CNNM2: variants seen among roughly 807,000 people sequenced by gnomAD.
CNNM2 encodes the protein cyclin and CBS domain divalent metal cation transport mediator 2.
In CNNM2, 12 loss-of-function variants were observed where a neutral mutation model predicts 66.9. The observed-to-expected ratio is 0.18, with a 90% CI of 0.11 to 0.29. The LOEUF (loss-of-function observed/expected upper bound fraction) is 0.29, where lower values mean the gene tolerates loss of function less well. Ranked by LOEUF, CNNM2 falls within the 10% of genes least tolerant of loss-of-function variation. The probability of loss-of-function intolerance (pLI) is 1.00; values close to 1 mark genes in which losing one functional copy is unlikely to be tolerated. For synonymous variants in CNNM2, 557 were observed against 501.8 expected, an observed-to-expected ratio of 1.11 and a Z score of -1.47; for missense variants, 705 against 1,167.7, an observed-to-expected ratio of 0.60 and a Z score of 5.77.
rs1048846224 is a variant in CNNM2, at chr10:103,087,477, C to T, written c.*10297C>T. 1 of 152,026 alleles carries T rather than the reference C, an allele frequency of 6.6e-6. No individual in the cohort carries two copies. The highest frequency in any genetic ancestry group is 1.5e-5 in the Non-Finnish European group (1 of 68,008). 9.4% of individuals were successfully genotyped at this position (152,026 alleles called of 1,614,324 possible). On this transcript the variant is annotated 3_prime_UTR_variant, in exon 8 of 8. Transcript: ENST00000369878. ...TCTTTGGACCCAGAGAATCATTTGCCATGGAATCATCTGGCTAGTAAGACA... is the reference window on the plus strand; with the variant it reads ...TCTTTGGACCCAGAGAATCATTTGCTATGGAATCATCTGGCTAGTAAGACA...
In CNNM2 at chr10:103,079,812, A is replaced by C. The variant is rs144846781; in HGVS notation, c.*2632A>C. The stretch of plus-strand genomic sequence containing the variant: ...CAGGTCCCTGAAGGAATGAAGGCTA[A>C]CATCTCCTTTGGGGAGAGCTTAGGA... On this transcript the variant is annotated 3_prime_UTR_variant, in exon 8 of 8. Transcript: ENST00000369878. 1 of 152,286 alleles carries C rather than the reference A, an allele frequency of 6.6e-6. No homozygotes were observed. The highest frequency in any genetic ancestry group is 1.9e-4 in the East Asian group (1 of 5,188). The allele number at this position is 152,286 out of a possible 1,614,324, so 9.4% of individuals were successfully genotyped here.
In CNNM2 at chr10:103,084,037, C is replaced by T. The variant is rs61870851; in HGVS notation, c.*6857C>T. On this transcript the variant is annotated 3_prime_UTR_variant, in exon 8 of 8. Transcript: ENST00000369878. ...ACGTTCTTTTCCATCACTACTTTGT[C>T]TTCTGTTCCTTCTTACCCTCATCAC... is the stretch of plus-strand genomic sequence containing the variant. 2 of 152,196 alleles carry T rather than the reference C, an allele frequency of 1.3e-5. No individual in the cohort carries two copies. The highest frequency in any genetic ancestry group is 2.9e-5 in the Non-Finnish European group (2 of 68,044). The allele number at this position is 152,196 out of a possible 1,614,324, so 9.4% of individuals were successfully genotyped here.
chr10:103,056,467 G>A (rs1050683142), intron 3 of CNNM2, among the ~76,000 whole-genome samples: 2 of 152,194 alleles, frequency 1.3e-5, no homozygotes. Context: ...GGCTGTTATG[G>A]CTTGTTGAGG....
rs930137026 is a variant in CNNM2 at position 103,066,165 on chromosome 10, C to T, written c.2074-2464C>T. 4.9e-4 allele frequency among the ~76,000 whole-genome samples: 74 copies of T among 152,168 alleles called. 4 individuals are homozygous for T. The highest frequency in any genetic ancestry group is 2.9e-5 in the Non-Finnish European group (2 of 68,022). ...GACCCCTGCTCTTCTGCCATGGTGC[C>T]GTGGTCTGGGCCTCCCTTTTCAGGC... On this transcript the variant is annotated intron_variant, in intron 4 of 7. Coordinates refer to ENST00000369878, the MANE Select transcript of CNNM2 (RefSeq NM_017649.5).
At chr10:103,002,306 G>A (rs1216163754) in intron 1 of CNNM2, among the ~76,000 whole-genome samples, 1 of 152,104 alleles carries the variant, frequency 6.6e-6, no homozygotes. Flanking sequence ...AATGGGCAAA[G>A]GATCTTAATA....
At chr10:103,068,777 C>A in intron 5 of CNNM2, 55 bp downstream of exon 5, 1 of 1,355,964 alleles carries the variant, frequency 7.4e-7, no homozygotes, top group Non-Finnish European at 1.0e-6. Flanking sequence ...AAGTAAGGCC[C>A]CTCTCCTTTC....
At chr10:102,984,030 A>G (rs1204605500) in intron 1 of CNNM2, among the ~76,000 whole-genome samples, 1 of 152,196 alleles carries the variant, frequency 6.6e-6, no homozygotes, top group African/African-American at 2.4e-5. Context: ...TGCTGGGATT[A>G]CAGGTGTGAG....
intron 1 of CNNM2, among the ~76,000 whole-genome samples, chr10:103,002,835 A>G (rs375592198): frequency 2.6e-5 from 4 of 152,160 alleles, no homozygotes; most frequent in South Asian, 2.1e-4. Flanking sequence ...CTGCTCTGAA[A>G]TAGTTTGGCA....
intron 1 of CNNM2, among the ~76,000 whole-genome samples, chr10:102,943,313 A>G (rs1301513188): frequency 6.6e-6 from 1 of 152,178 alleles, no homozygotes; most frequent in Non-Finnish European, 1.5e-5. Flanking sequence ...CTGTAGTCCC[A>G]GCTCCTTGGG....
intron 1 of CNNM2, among the ~76,000 whole-genome samples, chr10:102,937,101 T>C (rs1846266729): frequency 6.6e-6 from 1 of 152,238 alleles, no homozygotes; most frequent in African/African-American, 2.4e-5. Context: ...GTAAGATTCA[T>C]TTTGTGTGAG....
intron 1 of CNNM2, among the ~76,000 whole-genome samples, chr10:102,956,288 C>CAAAAAA (rs371126297): frequency 1.4e-5 from 1 of 74,022 alleles, no homozygotes; most frequent in Admixed American, 1.6e-4. Flanking sequence ...GATTCCATCT[C>CAAAAAA]AAAAAAAAAA....
rs144956926 is a variant in CNNM2, at chr10:102,947,612, G to A, written c.1621+27511G>A. Among the ~76,000 whole-genome samples, 70 of 152,150 alleles carry A rather than the reference G, an allele frequency of 4.6e-4. 3 individuals are homozygous for A. In the East Asian group the frequency reaches 9.5e-3, roughly 21 times the overall value. ...CTAAAAATACAAAAATTAGCTGGGC[G>A]TAGTGGTGCACGCCTGTAATCCCAG... is the stretch of plus-strand genomic sequence containing the variant. On this transcript the variant is annotated intron_variant, in intron 1 of 7. Coordinates refer to ENST00000369878, the MANE Select transcript of CNNM2 (RefSeq NM_017649.5).
At position 103,082,864 on chromosome 10, in the gene CNNM2, A is replaced by ATG. The variant is rs2065770694; in HGVS notation, c.*5686_*5687dup. On this transcript the variant is annotated 3_prime_UTR_variant, in exon 8 of 8. Transcript: ENST00000369878. ...TCTTGGTGACAGGCTCTCTTCCCCT[A>ATG]TGTAGGGTACAGTACAGCTGTGAGT... 1 of 152,224 alleles carries ATG rather than the reference A, an allele frequency of 6.6e-6. No individual in the cohort carries two copies. Among genetic ancestry groups the ATG allele is most frequent in the South Asian group, 2.1e-4 (1 of 4,816 alleles). The allele number at this position is 152,224 out of a possible 1,614,324, so 9.4% of individuals were successfully genotyped here. A position where few individuals can be genotyped will look rare whatever the true frequency, so the allele number is the denominator to read the frequency against.
rs563870577 is a variant in CNNM2 at position 103,050,822 on chromosome 10, G to A, written c.1765+972G>A. On this transcript the variant is annotated intron_variant, in intron 2 of 7. Transcript: ENST00000369878. ...AAGTATGGATACCTTATTTGCCCAG[G>A]TGTAGACTTGATCCTGAACTGAGTG... Among the ~76,000 whole-genome samples, 19 of 152,236 alleles carry A rather than the reference G, an allele frequency of 1.2e-4. No individual in the cohort carries two copies. The South Asian group carries it at 2.9e-3, about 23-fold the overall frequency.
intron 1 of CNNM2, among the ~76,000 whole-genome samples, chr10:102,924,608 G>T (rs1242872369): frequency 1.3e-5 from 2 of 151,416 alleles, no homozygotes; most frequent in Admixed American, 1.3e-4. Flanking sequence ...TATTTGCCTT[G>T]AATCTAGGAA....
Position 103,087,016 on chromosome 10 carries a change from A to C in CNNM2, c.*9836A>C, listed in dbSNP as rs1025126854. ...GTACATGCTGTAAGGTTGGGAGTTCAGTCTAGCAACCAAGAAGGGGTTGCC... is the reference window on the plus strand; with the variant it reads ...GTACATGCTGTAAGGTTGGGAGTTCCGTCTAGCAACCAAGAAGGGGTTGCC... On this transcript the variant is annotated 3_prime_UTR_variant, in exon 8 of 8. Transcript: ENST00000369878. The C allele has an allele frequency of 1.3e-5, 2 of 152,146 alleles. No homozygotes were observed. Among genetic ancestry groups the C allele is most frequent in the African/African-American group, 2.4e-5 (1 of 41,416 alleles). The allele number at this position is 152,146 out of a possible 1,614,324, so 9.4% of individuals were successfully genotyped here. A position where few individuals can be genotyped will look rare whatever the true frequency, so the allele number is the denominator to read the frequency against.
intron 1 of CNNM2, among the ~76,000 whole-genome samples, chr10:103,017,702 A>T (rs1293549914): frequency 6.6e-6 from 1 of 152,150 alleles, no homozygotes; most frequent in Non-Finnish European, 1.5e-5. Context: ...ACAGTGACTC[A>T]CACCTGTAAT....
At chr10:103,047,555 G>T (rs993634451) in intron 1 of CNNM2, among the ~76,000 whole-genome samples, 2 of 152,160 alleles carry the variant, frequency 1.3e-5, no homozygotes, top group African/African-American at 4.8e-5. Flanking sequence ...ATATATCATG[G>T]TAGTGTAAGA....
intron 1 of CNNM2, among the ~76,000 whole-genome samples, chr10:102,968,269 C>T (rs766599527): frequency 2.0e-5 from 3 of 151,978 alleles, no homozygotes; most frequent in Admixed American, 6.6e-5. Flanking sequence ...TTGTTTGAGA[C>T]GGAGTCTGGC....
Sources: allele counts gnomAD v4.1 joint callset (sites outside exome capture counted in the v4.1 genomes callset), GRCh38; gene constraint gnomAD v4.1.1; transcripts MANE v1.5; gene names NCBI Gene and HGNC (gene_info 2026-07-23, HGNC 2026-07-21).